TMCC1: variants seen among roughly 807,000 people sequenced by gnomAD.
TMCC1 encodes the protein transmembrane and coiled-coil domains protein 1.
Under a neutral mutation model 52.4 loss-of-function variants are expected in TMCC1, and 15 were observed. That is an observed-to-expected ratio of 0.29 (90% confidence interval 0.19 to 0.44). TMCC1 has a LOEUF of 0.44. TMCC1 is among the 20% of genes least tolerant of loss of function. The pLI is 1.00. For missense variants in TMCC1, 503 were observed against 806.0 expected (o/e 0.62, Z 4.55); for synonymous variants, 279 against 301.9 (o/e 0.92, Z 0.79).
intron 4 of TMCC1, among the ~76,000 whole-genome samples, chr3:129,820,461 C>T (rs1044457152): frequency 6.6e-6 from 1 of 151,906 alleles, no homozygotes. Flanking sequence ...CAATTCATGC[C>T]TGCAGAGGCA....
intron 4 of TMCC1, among the ~76,000 whole-genome samples, chr3:129,822,752 T>G (rs1282860514): frequency 1.3e-5 from 2 of 152,202 alleles, no homozygotes; most frequent in African/African-American, 2.4e-5. Flanking sequence ...CAGGCAGGTT[T>G]TTAACATCTC....
chr3:129,675,470 A>T (rs2088338150), intron 4 of TMCC1, among the ~76,000 whole-genome samples: 1 of 152,186 alleles, frequency 6.6e-6, no homozygotes, highest in Non-Finnish European at 1.5e-5. Context: ...ACAAATATAA[A>T]AGGGCTTAGA....
intron 4 of TMCC1, among the ~76,000 whole-genome samples, chr3:129,743,183 G>A (rs1318966216): frequency 1.3e-5 from 2 of 152,144 alleles, no homozygotes; most frequent in African/African-American, 4.8e-5. Context: ...TATGGTATAA[G>A]AATTATATTT....
In TMCC1 at chr3:129,671,257, C is replaced by A; in HGVS notation, c.584G>T (p.Arg195Leu). Residue 195 changes from arginine (R) to leucine (L), a missense_variant, in exon 5 of 7, where the codon CGG becomes CTG. This residue lies in a region of TMCC1 where 217 missense variants were observed against 297.9 expected (regional missense o/e 0.73). Coordinates refer to ENST00000393238, the MANE Select transcript of TMCC1 (RefSeq NM_001017395.5). ...GEEGTAERIE[R>L]LEVSSLAQTS... The stretch of plus-strand genomic sequence containing the variant: ...TTGGGCAAGGCTGCTTACTTCCAAC[C>A]GTTCGATCTAGTGTAAAAACAAGAG... 1.9e-6 allele frequency: 3 copies of A among 1,607,898 alleles called. No individual in the cohort carries two copies. The highest frequency in any genetic ancestry group is 2.6e-6 in the Non-Finnish European group (3 of 1,176,274).
chr3:129,860,580 A>G (rs754885941), intron 2 of TMCC1, among the ~76,000 whole-genome samples: 1 of 151,724 alleles, frequency 6.6e-6, no homozygotes, highest in Non-Finnish European at 1.5e-5. Flanking sequence ...TTATCTAAGC[A>G]TTTTCTATAA....
At chr3:129,791,692 A>G (rs975424702) in intron 4 of TMCC1, among the ~76,000 whole-genome samples, 4 of 152,218 alleles carry the variant, frequency 2.6e-5, no homozygotes, top group African/African-American at 9.6e-5. Flanking sequence ...ACTATAAAGG[A>G]AGAAAATGAT....
At chr3:129,841,444 G>A (rs1455281692) in intron 2 of TMCC1, among the ~76,000 whole-genome samples, 4 of 152,240 alleles carry the variant, frequency 2.6e-5, no homozygotes, top group African/African-American at 9.6e-5. Context: ...AAAATTAGCT[G>A]GGCATGGTGG....
intron 4 of TMCC1, among the ~76,000 whole-genome samples, chr3:129,715,271 C>G (rs185635228): frequency 1.3e-5 from 2 of 152,304 alleles, no homozygotes; most frequent in East Asian, 3.9e-4. Flanking sequence ...TTAAAATGCA[C>G]TCTCTGGCCA....
intron 4 of TMCC1, among the ~76,000 whole-genome samples, chr3:129,697,898 C>A (rs150887461): frequency 6.6e-6 from 1 of 152,180 alleles, no homozygotes; most frequent in South Asian, 2.1e-4. Flanking sequence ...CAAAGCCATT[C>A]AACAAGACTC....
chr3:129,766,753 G>C (rs969472634), intron 4 of TMCC1, among the ~76,000 whole-genome samples: 1 of 151,646 alleles, frequency 6.6e-6, no homozygotes, highest in Non-Finnish European at 1.5e-5. Flanking sequence ...CTAGTAGCTG[G>C]GACTACAGGC....
intron 4 of TMCC1, among the ~76,000 whole-genome samples, chr3:129,671,845 T>C (rs2087972993): frequency 6.6e-6 from 1 of 152,176 alleles, no homozygotes; most frequent in East Asian, 1.9e-4. Flanking sequence ...TAAGGATATT[T>C]AAGTGGCAGC....
rs532404617 is a variant in TMCC1 at position 129,776,802 on chromosome 3, A to G, written c.576+51001T>C. ...TAGTCACCATGCCTAGCTAATTTTTATTTATATTTTTTTGTAGAGATGGGT... is the reference window on the plus strand; with the variant it reads ...TAGTCACCATGCCTAGCTAATTTTTGTTTATATTTTTTTGTAGAGATGGGT... On this transcript the variant is annotated intron_variant, in intron 4 of 6. Transcript: ENST00000393238. Among the ~76,000 whole-genome samples the G allele has an allele frequency of 2.6e-5, 4 of 152,036 alleles. No individual in the cohort carries two copies. In the East Asian group the frequency reaches 7.7e-4, roughly 29 times the overall value.
At chr3:129,667,040 T>A (rs1368389295) in intron 5 of TMCC1, among the ~76,000 whole-genome samples, 1 of 151,618 alleles carries the variant, frequency 6.6e-6, no homozygotes, top group African/African-American at 2.4e-5. Flanking sequence ...TAACTGGGAC[T>A]ACAGGCGCAT....
chr3:129,689,676 T>C lies in TMCC1; in HGVS notation c.577-18412A>G, dbSNP rs1401742289. On this transcript the variant is annotated intron_variant, in intron 4 of 6. Coordinates refer to ENST00000393238, the MANE Select transcript of TMCC1 (RefSeq NM_001017395.5). ...AGAAGGTCTATCAGTATTCACCAGCTGCGTTTAACATCTTTCACTTAAACC... is the reference window on the plus strand; with the variant it reads ...AGAAGGTCTATCAGTATTCACCAGCCGCGTTTAACATCTTTCACTTAAACC... Among the ~76,000 whole-genome samples, 3 of 152,200 alleles carry C rather than the reference T, an allele frequency of 2.0e-5. 1 individual carries two copies. The highest frequency in any genetic ancestry group is 2.0e-4 in the Admixed American group (3 of 15,268).
At chr3:129,660,407 C>A (rs764227276) in intron 5 of TMCC1, among the ~76,000 whole-genome samples, 5 of 152,206 alleles carry the variant, frequency 3.3e-5, no homozygotes, top group Non-Finnish European at 5.9e-5. Context: ...CCTGCCTTGG[C>A]CTCCCAAAGT....
chr3:129,683,365 G>A (rs565069178), intron 4 of TMCC1, among the ~76,000 whole-genome samples: 9 of 152,160 alleles, frequency 5.9e-5, no homozygotes, highest in African/African-American at 2.2e-4. Context: ...GCACCCAACC[G>A]TATTATCTTA....
chr3:129,885,462 G>C (rs531512934), intron 1 of TMCC1, among the ~76,000 whole-genome samples: 1 of 151,986 alleles, frequency 6.6e-6, no homozygotes, highest in Non-Finnish European at 1.5e-5. Context: ...GCGGGTGCCT[G>C]TAATCCCAGC....
intron 4 of TMCC1, among the ~76,000 whole-genome samples, chr3:129,709,856 CT>C (rs1346136089): frequency 6.6e-6 from 1 of 151,986 alleles, no homozygotes; most frequent in East Asian, 1.9e-4. Context: ...TAGCAATAGG[CT>C]TTCATGGTGA....
intron 2 of TMCC1, among the ~76,000 whole-genome samples, chr3:129,840,656 AAT>A (rs2059384040): frequency 6.6e-6 from 1 of 152,180 alleles, no homozygotes; most frequent in South Asian, 2.1e-4. Flanking sequence ...TTCTTGTGAT[AAT>A]GAGTTCTCAT....
Sources: gnomAD v4.1 joint callset for allele counts (sites outside exome capture counted in the v4.1 genomes callset) on GRCh38, gnomAD v4.1.1 for gene constraint, gnomAD v4.1.1 regional missense constraint, MANE v1.5 for transcripts, NCBI Gene and HGNC (gene_info 2026-07-23, HGNC 2026-07-21) for gene names.